The following FBXO25 variants were observed in gnomAD, a reference collection of about 807,000 sequenced individuals.
The protein encoded by FBXO25 is F-box only protein 25.
In FBXO25, 45 loss-of-function variants were observed where a neutral mutation model predicts 51.9. The observed-to-expected ratio is 0.87, with a 90% CI of 0.68 to 1.11. The LOEUF (loss-of-function observed/expected upper bound fraction) is 1.11. FBXO25 is among the 50% of genes most tolerant of loss of function. The pLI is 0.00. For missense variants in FBXO25, 507 were observed against 428.5 expected (o/e 1.18, Z -1.62); for synonymous variants, 199 against 151.0 (o/e 1.32, Z -2.33).
intron 7 of FBXO25, among the ~76,000 whole-genome samples, chr8:452,732 A>G (rs1799174829): frequency 6.6e-6 from 1 of 152,222 alleles, no homozygotes; most frequent in South Asian, 2.1e-4. Context: ...GTGGCTCTGC[A>G]TTCTTTGGAG....
intron 5 of FBXO25, among the ~76,000 whole-genome samples, chr8:446,164 A>T (rs1157669472): frequency 3.3e-5 from 5 of 152,116 alleles, no homozygotes; most frequent in African/African-American, 9.7e-5. Context: ...AAGGAAAATC[A>T]TATCTTAGTG....
chr8:417,041 G>A (rs73525975), intron 2 of FBXO25, among the ~76,000 whole-genome samples: 10,420 of 152,214 alleles, frequency 0.068, 683 homozygotes, highest in African/African-American at 0.17. Flanking sequence ...CTCCCCGGCA[G>A]GGAAAGAAAA....
In FBXO25 at chr8:468,920, C is replaced by G; in HGVS notation, c.*116C>G. The G allele has an allele frequency of 1.0e-6, 1 of 953,970 alleles. No homozygotes were observed. The highest frequency in any genetic ancestry group is 1.8e-5 in the South Asian group (1 of 54,762). 59.1% of individuals were successfully genotyped at this position (953,970 alleles called of 1,614,324 possible). ...CTCGGAAGCCCCTGCTTCCAGAAAG[C>G]CTGGGAAGAACTGCCCTTCTGCAAA... is the stretch of plus-strand genomic sequence containing the variant. On this transcript the variant is annotated 3_prime_UTR_variant, in exon 10 of 10. Coordinates refer to ENST00000350302, the MANE Select transcript of FBXO25 (RefSeq NM_183420.2).
chr8:419,410 C>T (rs1167944516), intron 2 of FBXO25, among the ~76,000 whole-genome samples: 4 of 152,132 alleles, frequency 2.6e-5, no homozygotes, highest in African/African-American at 7.2e-5. Context: ...AATGTAAAAT[C>T]ACCACAATCA....
At chr8:432,344 T>C (rs1021389088) in intron 3 of FBXO25, among the ~76,000 whole-genome samples, 20 of 152,288 alleles carry the variant, frequency 1.3e-4, no homozygotes, top group African/African-American at 3.8e-4. Flanking sequence ...TTAAAACTTA[T>C]GAATGGTTTA....
chr8:460,749 A>G (rs1359059612), intron 8 of FBXO25, among the ~76,000 whole-genome samples: 3 of 152,260 alleles, frequency 2.0e-5, no homozygotes, highest in Admixed American at 6.5e-5. Flanking sequence ...TTTAGTCTCT[A>G]GGAACTATTG....
intron 5 of FBXO25, among the ~76,000 whole-genome samples, chr8:444,819 G>A (rs1386465422): frequency 1.3e-5 from 2 of 152,290 alleles, no homozygotes; most frequent in African/African-American, 2.4e-5. Context: ...GCTGTTCAGT[G>A]CATTAATATG....
At chr8:419,998 A>G (rs1797052882) in intron 2 of FBXO25, among the ~76,000 whole-genome samples, 1 of 152,214 alleles carries the variant, frequency 6.6e-6, no homozygotes, top group Non-Finnish European at 1.5e-5. Flanking sequence ...TGGATTGCAG[A>G]GAAGCCCATG....
intron 9 of FBXO25, chr8:468,147 C>A: frequency 1.9e-6 from 2 of 1,030,884 alleles, no homozygotes; most frequent in Non-Finnish European, 2.3e-6. Flanking sequence ...TCTGTCGTCA[C>A]TTCTCATATT....
intron 2 of FBXO25, among the ~76,000 whole-genome samples, chr8:414,600 G>T (rs1271342033): frequency 2.7e-5 from 4 of 150,846 alleles, no homozygotes; most frequent in East Asian, 1.9e-4. Flanking sequence ...TCTGAGAATT[G>T]TTTTTTTTTC....
At chr8:459,635 A>G (rs747478034) in intron 8 of FBXO25, among the ~76,000 whole-genome samples, 3 of 152,198 alleles carry the variant, frequency 2.0e-5, no homozygotes, top group Non-Finnish European at 4.4e-5. Flanking sequence ...ACATCAGAAG[A>G]TGACCCCGAT....
chr8:442,959 A>C (rs533390357), intron 5 of FBXO25, among the ~76,000 whole-genome samples: 16 of 152,332 alleles, frequency 1.1e-4, no homozygotes, highest in African/African-American at 3.8e-4. Flanking sequence ...ATGCCGGATT[A>C]AAGTGTATTA....
chr8:454,214 T>A (rs1799272571), intron 7 of FBXO25, among the ~76,000 whole-genome samples: 1 of 152,216 alleles, frequency 6.6e-6, no homozygotes, highest in Admixed American at 6.5e-5. Flanking sequence ...GTTGTAAAGT[T>A]CCTAAGAACA....
At chr8:428,360 A>G (rs1797616824) in intron 2 of FBXO25, among the ~76,000 whole-genome samples, 1 of 152,126 alleles carries the variant, frequency 6.6e-6, no homozygotes, top group Non-Finnish European at 1.5e-5. Flanking sequence ...TGTGTTTCAT[A>G]CAAGTGTGTT....
chr8:433,656 C>G (rs1797945776), intron 4 of FBXO25, among the ~76,000 whole-genome samples: 1 of 152,054 alleles, frequency 6.6e-6, no homozygotes, highest in African/African-American at 2.4e-5. Context: ...AGTTGAGTTC[C>G]TTTTATAGGC....
chr8:453,751 G>T (rs938079544), intron 7 of FBXO25, among the ~76,000 whole-genome samples: 1 of 152,182 alleles, frequency 6.6e-6, no homozygotes, highest in Non-Finnish European at 1.5e-5. Flanking sequence ...CGCCATGTCA[G>T]CCTCAGGATA....
chr8:442,426 C>T (rs1798483902), intron 5 of FBXO25, among the ~76,000 whole-genome samples: 1 of 151,880 alleles, frequency 6.6e-6, no homozygotes, highest in South Asian at 2.1e-4. Context: ...TTCAAGCAAA[C>T]TGCATAGTTA....
At position 451,425 on chromosome 8, in the gene FBXO25, A is replaced by G; in HGVS notation, c.632A>G (p.Gln211Arg). 6.2e-7 allele frequency: 1 copy of G among 1,613,928 alleles called. No individual in the cohort carries two copies. Among genetic ancestry groups the G allele is most frequent in the Non-Finnish European group, 8.5e-7 (1 of 1,179,928 alleles). ...TTAGAAACTATTCTCGCCTGGCAAC[A>G]ACAGCTACAGGATCTTCAGATGACT... The part of the protein sequence containing the change: ...CRLETILAWQ[Q>R]QLQDLQMTKQ... Residue 211 changes from glutamine to arginine, a missense_variant, in exon 7 of 10, where the codon CAA becomes CGA. Transcript: ENST00000350302.
chr8:472,017 G>A lies in FBXO25; in HGVS notation c.*3213G>A, dbSNP rs769393796. The A allele has an allele frequency of 2.6e-5, 4 of 152,142 alleles. No homozygotes were observed. Among genetic ancestry groups the A allele is most frequent in the Non-Finnish European group, 5.9e-5 (4 of 68,020 alleles). 9.4% of individuals were successfully genotyped at this position (152,142 alleles called of 1,614,324 possible). ...CTGTGTACAAAATCATGTCATCTATGAATAGACAGTTTCACTTCTTCCTCT... is the reference window on the plus strand; with the variant it reads ...CTGTGTACAAAATCATGTCATCTATAAATAGACAGTTTCACTTCTTCCTCT... On this transcript the variant is annotated 3_prime_UTR_variant, in exon 10 of 10. Coordinates refer to ENST00000350302, the MANE Select transcript of FBXO25 (RefSeq NM_183420.2).
Sources: gnomAD v4.1 joint callset for allele counts (sites outside exome capture counted in the v4.1 genomes callset) on GRCh38, gnomAD v4.1.1 for gene constraint, MANE v1.5 for transcripts, NCBI Gene and HGNC (gene_info 2026-07-23, HGNC 2026-07-21) for gene names.